The following PRKG1 variants were observed in gnomAD, a reference collection of about 807,000 sequenced individuals.
The protein encoded by PRKG1 is cGMP-dependent protein kinase 1.
PRKG1 carries 35 observed loss-of-function variants against 88.1 expected under a neutral mutation model. The ratio of observed to expected loss-of-function variants is 0.40; its 90% CI spans 0.30 to 0.53. PRKG1 has a LOEUF of 0.53. Ranked by LOEUF, PRKG1 falls within the 20% of genes least tolerant of loss-of-function variation. PRKG1 has a pLI of 0.59. For missense variants in PRKG1, 540 were observed against 839.8 expected (o/e 0.64, Z 4.41); for synonymous variants, 303 against 292.5 (o/e 1.04, Z -0.37).
intron 1 of PRKG1, among the ~76,000 whole-genome samples, chr10:51,083,114 G>A (rs1417414081): frequency 6.6e-6 from 1 of 152,118 alleles, no homozygotes; most frequent in Non-Finnish European, 1.5e-5. Flanking sequence ...TTGCAGTGGA[G>A]CCAGGCAGCT....
rs376837848 is a variant in PRKG1, at chr10:52,188,199, T to G, written c.1076+26236T>G. ...GGTATGATATCTATGTATGTGTGTGTGTATATATATATGTGTATATATATA... is the reference window on the plus strand; with the variant it reads ...GGTATGATATCTATGTATGTGTGTGGGTATATATATATGTGTATATATATA... On this transcript the variant is annotated intron_variant, in intron 9 of 17. Coordinates refer to ENST00000373980, the MANE Select transcript of PRKG1 (RefSeq NM_006258.4). Among the ~76,000 whole-genome samples the G allele has an allele frequency of 8.3e-3, 696 of 84,126 alleles. 9 individuals carry two copies. The highest frequency in any genetic ancestry group is 0.02 in the Middle Eastern group (3 of 148). The allele number at this position is 84,126 out of a possible 152,430, so 55.2% of individuals were successfully genotyped here.
chr10:51,518,030 A>G (rs1841636203), intron 3 of PRKG1, among the ~76,000 whole-genome samples: 1 of 152,080 alleles, frequency 6.6e-6, no homozygotes. Context: ...ACAAAGTCTT[A>G]CTCTGTGCCC....
intron 4 of PRKG1, among the ~76,000 whole-genome samples, chr10:51,847,840 TAAAAAAAAAAAAAAAAAAAA>T (rs766423513): frequency 4.8e-4 from 17 of 35,216 alleles, no homozygotes; most frequent in East Asian, 3.9e-3. Context: ...AAGACTCTGT[TAAAAAAAAAAAAAAAAAAAA>T]AAAAAAAAAA....
At chr10:51,164,840 T>C (rs1254768670) in intron 2 of PRKG1, among the ~76,000 whole-genome samples, 1 of 151,488 alleles carries the variant, frequency 6.6e-6, no homozygotes, top group Admixed American at 6.6e-5. Flanking sequence ...AGAAGGGAAG[T>C]TTAGAGAAAA....
At chr10:52,100,041 C>T (rs541134441) in intron 7 of PRKG1, among the ~76,000 whole-genome samples, 9 of 152,240 alleles carry the variant, frequency 5.9e-5, no homozygotes, top group South Asian at 2.1e-4. Context: ...CCAGAGATTT[C>T]GTAAGCCAAA....
At position 51,557,334 on chromosome 10, in the gene PRKG1, C is replaced by A. The variant is rs567961739; in HGVS notation, c.592+89498C>A. On this transcript the variant is annotated intron_variant, in intron 3 of 17. Transcript: ENST00000373980. Reference sequence around the variant, plus strand: ...ACCTTGTTAATGTTCTGGGCACCGGCATACACCACCACCCCCCCACCACCC... The same window carrying A: ...ACCTTGTTAATGTTCTGGGCACCGGAATACACCACCACCCCCCCACCACCC... Among the ~76,000 whole-genome samples the A allele has an allele frequency of 1.0e-3, 136 of 136,548 alleles. 2 individuals carry two copies. In the East Asian group the frequency reaches 0.086, roughly 86 times the overall value. The allele number at this position is 136,548 out of a possible 152,430, so 89.6% of individuals were successfully genotyped here.
intron 5 of PRKG1, among the ~76,000 whole-genome samples, chr10:51,930,757 G>C (rs935222036): frequency 1.3e-5 from 2 of 151,936 alleles, no homozygotes; most frequent in African/African-American, 2.4e-5. Flanking sequence ...TCTCAAAGTG[G>C]TGGGATTACA....
intron 7 of PRKG1, among the ~76,000 whole-genome samples, chr10:52,073,356 A>C (rs753854977): frequency 5.3e-5 from 8 of 152,164 alleles, no homozygotes; most frequent in Non-Finnish European, 8.8e-5. Context: ...TCAACTCACT[A>C]CATTCTCTAA....
At chr10:51,082,941 TA>T (rs1844150583) in intron 1 of PRKG1, among the ~76,000 whole-genome samples, 1 of 152,290 alleles carries the variant, frequency 6.6e-6, no homozygotes, top group South Asian at 2.1e-4. Flanking sequence ...AGACCTGAGG[TA>T]TAGGTATATT....
At chr10:51,863,750 A>G (rs1840946237) in intron 4 of PRKG1, among the ~76,000 whole-genome samples, 1 of 152,204 alleles carries the variant, frequency 6.6e-6, no homozygotes, top group Non-Finnish European at 1.5e-5. Context: ...CAGAATTGTA[A>G]GAAAGAAATC....
intron 3 of PRKG1, among the ~76,000 whole-genome samples, chr10:51,764,907 A>T (rs959128497): frequency 6.6e-6 from 1 of 152,206 alleles, no homozygotes; most frequent in African/African-American, 2.4e-5. Flanking sequence ...TCTTGTGTGG[A>T]CACAGCAAGA....
chr10:52,285,246 G>A (rs776677462), intron 14 of PRKG1, among the ~76,000 whole-genome samples: 10 of 152,080 alleles, frequency 6.6e-5, no homozygotes, highest in East Asian at 1.9e-4. Context: ...GATTCAGCTC[G>A]TCTATTCCAG....
At chr10:51,973,252 A>AGAG (rs1315146439) in intron 5 of PRKG1, among the ~76,000 whole-genome samples, 1 of 152,162 alleles carries the variant, frequency 6.6e-6, no homozygotes, top group Non-Finnish European at 1.5e-5. Context: ...CATTCCAGCA[A>AGAG]GCTACACTCA....
chr10:51,185,596 TCTC>T (rs1837464875), intron 2 of PRKG1, among the ~76,000 whole-genome samples: 1 of 152,024 alleles, frequency 6.6e-6, no homozygotes, highest in Non-Finnish European at 1.5e-5. Context: ...CTTTGAGTCT[TCTC>T]CTGTTTGTAT....
At chr10:51,823,206 C>A (rs1201771079) in intron 4 of PRKG1, among the ~76,000 whole-genome samples, 2 of 151,972 alleles carry the variant, frequency 1.3e-5, no homozygotes, top group Non-Finnish European at 2.9e-5. Context: ...AGCTTGAGAA[C>A]CACCCTTTTA....
rs141107196 is a variant in PRKG1 at position 51,859,025 on chromosome 10, G to C, written c.699-48482G>C. ...TCTCAACCCCCAAAGTGGCCTGCTC[G>C]ATAGAACAAAAGCTCCTGCTTATTT... is the stretch of plus-strand genomic sequence containing the variant. On this transcript the variant is annotated intron_variant, in intron 4 of 17. Coordinates refer to ENST00000373980, the MANE Select transcript of PRKG1 (RefSeq NM_006258.4). Among the ~76,000 whole-genome samples, 79 of 152,202 alleles carry C rather than the reference G, an allele frequency of 5.2e-4. 2 individuals are homozygous for C. The East Asian group carries it at 0.014, about 26-fold the overall frequency.
chr10:51,627,440 A>G (rs1839366249), intron 3 of PRKG1, among the ~76,000 whole-genome samples: 1 of 152,212 alleles, frequency 6.6e-6, no homozygotes. Context: ...AGAGTTTCAT[A>G]TAAGGACTAA....
chr10:52,222,110 G>A (rs542410197), intron 9 of PRKG1, among the ~76,000 whole-genome samples: 12 of 152,058 alleles, frequency 7.9e-5, no homozygotes, highest in Admixed American at 1.3e-4. Flanking sequence ...CCTTGCTTCC[G>A]GTAAACACTC....
chr10:52,070,389 T>C (rs897071008), intron 7 of PRKG1, among the ~76,000 whole-genome samples: 6 of 152,246 alleles, frequency 3.9e-5, no homozygotes, highest in Non-Finnish European at 7.3e-5. Flanking sequence ...CATTCCTTTG[T>C]AGGTAAACTG....
Sources: allele counts gnomAD v4.1 joint callset (sites outside exome capture counted in the v4.1 genomes callset), GRCh38; gene constraint gnomAD v4.1.1; transcripts MANE v1.5; gene names NCBI Gene and HGNC (gene_info 2026-07-23, HGNC 2026-07-21).